Variants in RGL1 observed in about 807,000 individuals in gnomAD.
RGL1 encodes the protein ral guanine nucleotide dissociation stimulator like 1, also known as ral guanine nucleotide dissociation stimulator-like 1.
RGL1 carries 24 observed loss-of-function variants against 95.2 expected under a neutral mutation model. That is an observed-to-expected ratio of 0.25 (90% confidence interval 0.18 to 0.35). The LOEUF (loss-of-function observed/expected upper bound fraction) is 0.35. Among genes scored for constraint, RGL1 ranks in the 10% least tolerant of loss-of-function variants. The pLI is 1.00. For synonymous variants in RGL1, 329 were observed against 344.9 expected, an observed-to-expected ratio of 0.95 and a Z score of 0.51; for missense variants, 715 against 936.3, an observed-to-expected ratio of 0.76 and a Z score of 3.08.
rs185371945 is a variant in RGL1, at chr1:183,817,991, T to G, written c.138+11506T>G. 1.4e-4 allele frequency among the ~76,000 whole-genome samples: 21 copies of G among 152,314 alleles called. 1 individual carries two copies. The highest frequency in any genetic ancestry group is 9.8e-4 in the Admixed American group (15 of 15,306). On this transcript the variant is annotated intron_variant, in intron 2 of 17. Coordinates refer to ENST00000360851, the MANE Select transcript of RGL1 (RefSeq NM_001297671.3). ...TGTTTCCTCATGAACATTCTTTGGT[T>G]AGAGTTGGAGGATTATGATATTCTT...
intron 2 of RGL1, among the ~76,000 whole-genome samples, chr1:183,775,758 G>A (rs6676389): frequency 0.64 from 97,310 of 152,048 alleles, 31,383 homozygotes; most frequent in East Asian, 0.83. Context: ...GCAAGGACTT[G>A]ATATTATTTC....
intron 3 of RGL1, among the ~76,000 whole-genome samples, chr1:183,859,929 A>G (rs1240180406): frequency 6.6e-6 from 1 of 152,154 alleles, no homozygotes; most frequent in Non-Finnish European, 1.5e-5. Context: ...TATTCAGAGT[A>G]ATTAAAACCA....
intron 1 of RGL1, among the ~76,000 whole-genome samples, chr1:183,695,411 T>C (rs538183872): frequency 6.6e-6 from 1 of 152,332 alleles, no homozygotes; most frequent in Non-Finnish European, 1.5e-5. Context: ...AAAGCATTTT[T>C]AATGAATGCT....
At chr1:183,923,182 A>C (rs570427654) in intron 17 of RGL1, among the ~76,000 whole-genome samples, 1 of 152,328 alleles carries the variant, frequency 6.6e-6, no homozygotes, top group Non-Finnish European at 1.5e-5. Flanking sequence ...CACCTTAAGT[A>C]GTCCTCTGCT....
At chr1:183,925,247 T>C (rs1669551468) in intron 17 of RGL1, among the ~76,000 whole-genome samples, 1 of 152,198 alleles carries the variant, frequency 6.6e-6, no homozygotes, top group Non-Finnish European at 1.5e-5. Flanking sequence ...TACCAGCCTG[T>C]TTCCTTCTCT....
chr1:183,637,530 T>C (rs1021390832), intron 1 of RGL1, among the ~76,000 whole-genome samples: 7 of 152,174 alleles, frequency 4.6e-5, no homozygotes, highest in African/African-American at 1.7e-4. Flanking sequence ...CCAGTCTTCT[T>C]TAAGTTCAAA....
intron 10 of RGL1, among the ~76,000 whole-genome samples, chr1:183,898,136 G>A (rs1262056377): frequency 6.6e-6 from 1 of 152,210 alleles, no homozygotes; most frequent in Non-Finnish European, 1.5e-5. Context: ...TTCTGGCAAA[G>A]TTGTTTTCTG....
intron 2 of RGL1, among the ~76,000 whole-genome samples, chr1:183,831,409 A>T (rs1343405403): frequency 6.6e-6 from 1 of 152,158 alleles, no homozygotes; most frequent in African/African-American, 2.4e-5. Context: ...GATAGGTAGG[A>T]AGGGCTTTGT....
chr1:183,795,441 C>G (rs17501706), intron 2 of RGL1, among the ~76,000 whole-genome samples: 27,227 of 152,112 alleles, frequency 0.18, 2,594 homozygotes, highest in Middle Eastern at 0.2. Flanking sequence ...GGGTATTTAA[C>G]TGAGGTGGGA....
chr1:183,915,588 C>T (rs936640434), intron 15 of RGL1, among the ~76,000 whole-genome samples: 2 of 152,204 alleles, frequency 1.3e-5, no homozygotes, highest in African/African-American at 4.8e-5. Flanking sequence ...GCTGTATTTC[C>T]CTTGAGCAAG....
In RGL1 at chr1:183,773,015, C is replaced by CAAAAAAAA. The variant is rs60100787; in HGVS notation, c.132+30753_132+30760dup. On this transcript the variant is annotated intron_variant, in intron 2 of 18. Transcript: ENST00000304685. Reference sequence around the variant, plus strand: ...TGGGCGACAGAGCAAGACTCCGTCTCAAAAAAAAAAAAAAAAAAAAAAAAA... The same window carrying CAAAAAAAA: ...TGGGCGACAGAGCAAGACTCCGTCTCAAAAAAAAAAAAAAAAAAAAAAAAAAAAAAAAA... Among the ~76,000 whole-genome samples, 58 of 72,442 alleles carry CAAAAAAAA rather than the reference C, an allele frequency of 8.0e-4. 2 individuals are homozygous for CAAAAAAAA. Among genetic ancestry groups the CAAAAAAAA allele is most frequent in the East Asian group, 1.1e-3 (2 of 1,794 alleles). The allele number at this position is 72,442 out of a possible 152,430, so 47.5% of individuals were successfully genotyped here. A position where few individuals can be genotyped will look rare whatever the true frequency, so the allele number is the denominator to read the frequency against.
At chr1:183,779,383 G>C (rs985305522) in intron 2 of RGL1, among the ~76,000 whole-genome samples, 3 of 151,880 alleles carry the variant, frequency 2.0e-5, no homozygotes, top group Non-Finnish European at 2.9e-5. Context: ...TTAGTAGCTG[G>C]GATTTCAGGC....
At chr1:183,704,438 TAGAG>T (rs957727704) in intron 1 of RGL1, among the ~76,000 whole-genome samples, 17 of 152,084 alleles carry the variant, frequency 1.1e-4, no homozygotes, top group African/African-American at 4.1e-4. Flanking sequence ...AGGTGGTTCT[TAGAG>T]GGAGCATATT....
At chr1:183,916,424 C>T (rs767503402) in intron 15 of RGL1, 23 bp from the exon 16 acceptor site, 3 of 1,611,750 alleles carry the variant, frequency 1.9e-6, no homozygotes, top group Non-Finnish European at 2.5e-6. Context: ...CTGTTTTCTT[C>T]TGGGGTGTGT....
rs1333168957 is a variant in RGL1 at position 183,771,193 on chromosome 1, G to A, written c.132+28904G>A. ...GCAGCCAATTTAGCCCTCTCTGTTT[G>A]GCTCCGAGGCCTAGAATGAGTCCTG... On this transcript the variant is annotated intron_variant, in intron 2 of 18. Coordinates refer to the RGL1 transcript ENST00000304685. 1.3e-5 allele frequency among the ~76,000 whole-genome samples: 2 copies of A among 152,054 alleles called. 1 individual carries two copies. Among genetic ancestry groups the A allele is most frequent in the Non-Finnish European group, 2.9e-5 (2 of 68,018 alleles).
intron 1 of RGL1, among the ~76,000 whole-genome samples, chr1:183,652,309 T>A (rs1650818879): frequency 6.6e-6 from 1 of 152,244 alleles, no homozygotes; most frequent in South Asian, 2.1e-4. Flanking sequence ...ACATCATTAC[T>A]GTCTTTAAGG....
intron 2 of RGL1, among the ~76,000 whole-genome samples, chr1:183,843,290 A>G (rs1400469879): frequency 6.6e-6 from 1 of 152,224 alleles, no homozygotes; most frequent in Admixed American, 6.5e-5. Context: ...ATATTTTATT[A>G]GTCTTCTGTT....
chr1:183,774,908 C>A (rs1412351598), intron 2 of RGL1, among the ~76,000 whole-genome samples: 1 of 152,046 alleles, frequency 6.6e-6, no homozygotes, highest in Non-Finnish European at 1.5e-5. Context: ...CAGGAGAGGA[C>A]CTCCAGTCTT....
chr1:183,854,502 CT>C (rs1356622532), intron 3 of RGL1, among the ~76,000 whole-genome samples: 2 of 152,146 alleles, frequency 1.3e-5, no homozygotes, highest in Non-Finnish European at 2.9e-5. Flanking sequence ...ACGGAGCTGC[CT>C]TTGTTAGTGC....
Sources: gnomAD v4.1 joint callset for allele counts (sites outside exome capture counted in the v4.1 genomes callset) on GRCh38, gnomAD v4.1.1 for gene constraint, MANE v1.5 for transcripts, NCBI Gene and HGNC (gene_info 2026-07-23, HGNC 2026-07-21) for gene names.